CFH: variants seen among roughly 807,000 people sequenced by gnomAD.
CFH encodes complement factor H.
CFH carries 53 observed loss-of-function variants against 147.3 expected under a neutral mutation model. The observed-to-expected ratio is 0.36, with a 90% CI of 0.29 to 0.45. The LOEUF is 0.45. Ranked by LOEUF, CFH falls within the 20% of genes least tolerant of loss-of-function variation. The probability of loss-of-function intolerance (pLI) is 1.00; values close to 1 mark genes in which losing one functional copy is unlikely to be tolerated. For missense variants in CFH, 1,380 were observed against 1,498.0 expected (o/e 0.92, Z 1.30); for synonymous variants, 536 against 489.4 (o/e 1.10, Z -1.26).
At chr1:196,727,049 C>T (rs1374190681) in intron 14 of CFH, 109 bp downstream of exon 14, 2 of 960,424 alleles carry the variant, frequency 2.1e-6, no homozygotes, top group African/African-American at 1.6e-5. Flanking sequence ...TCAACATTTC[C>T]AGTCTTCAAT....
At chr1:196,661,184 T>C (rs1305414662) in intron 1 of CFH, among the ~76,000 whole-genome samples, 1 of 152,208 alleles carries the variant, frequency 6.6e-6, no homozygotes, top group African/African-American at 2.4e-5. Flanking sequence ...GAATCACATA[T>C]TATATGAGTT....
chr1:196,698,196 C>T (rs1053196570), intron 9 of CFH, among the ~76,000 whole-genome samples: 26 of 151,930 alleles, frequency 1.7e-4, no homozygotes, highest in African/African-American at 5.8e-4. Context: ...CAAACAAATT[C>T]AAAAGCTAGC....
chr1:196,660,081 A>G (rs1234235482), intron 1 of CFH, among the ~76,000 whole-genome samples: 1 of 152,156 alleles, frequency 6.6e-6, no homozygotes, highest in South Asian at 2.1e-4. Flanking sequence ...ATGTAGAGAC[A>G]TTAGGTGGGC....
Position 196,665,162 on chromosome 1 carries a change from T to C in CFH, c.59-7816T>C, listed in dbSNP as rs138464437. On this transcript the variant is annotated intron_variant, in intron 1 of 21. Coordinates refer to ENST00000367429, the MANE Select transcript of CFH (RefSeq NM_000186.4). Reference sequence around the variant, plus strand: ...CTAACATTTTTCTTTAGATAGTGTTTAGTGCTTTTGTTACTGCAAGAAGTG... The same window carrying C: ...CTAACATTTTTCTTTAGATAGTGTTCAGTGCTTTTGTTACTGCAAGAAGTG... Among the ~76,000 whole-genome samples, 401 of 151,768 alleles carry C rather than the reference T, an allele frequency of 2.6e-3. 2 individuals are homozygous for C. Among genetic ancestry groups the C allele is most frequent in the East Asian group, 0.014 (71 of 5,174 alleles).
intron 9 of CFH, among the ~76,000 whole-genome samples, chr1:196,703,310 AG>A (rs1385859510): frequency 2.6e-5 from 4 of 152,184 alleles, no homozygotes; most frequent in Non-Finnish European, 5.9e-5. Flanking sequence ...TTACTGCAAC[AG>A]GGGGGACACT....
intron 9 of CFH, among the ~76,000 whole-genome samples, chr1:196,697,562 T>G (rs1668315279): frequency 1.3e-5 from 2 of 152,214 alleles, no homozygotes; most frequent in East Asian, 1.9e-4. Flanking sequence ...TTGGTGGAAC[T>G]GTAAACTAGT....
intron 1 of CFH, among the ~76,000 whole-genome samples, chr1:196,669,418 G>T (rs1227222902): frequency 6.6e-6 from 1 of 152,202 alleles, no homozygotes; most frequent in African/African-American, 2.4e-5. Context: ...CCCATCACAG[G>T]CCTGGTTGCC....
intron 1 of CFH, among the ~76,000 whole-genome samples, chr1:196,661,557 C>T (rs1666906059): frequency 6.6e-6 from 1 of 152,186 alleles, no homozygotes; most frequent in Non-Finnish European, 1.5e-5. Context: ...AGGGACAAGG[C>T]AGCTCTGTGG....
At chr1:196,735,313 A>G (rs2064456) in intron 15 of CFH, among the ~76,000 whole-genome samples, 34,468 of 152,026 alleles carry the variant, frequency 0.23, 4,493 homozygotes, top group African/African-American at 0.33. Flanking sequence ...GAAAATTTCA[A>G]TATTTTGAAA....
rs1273169939 is a variant in CFH at position 196,679,800 on chromosome 1, T to C, written c.790+7T>C. On this transcript the variant is annotated splice_region_variant and intron_variant, in intron 6 of 21. Transcript: ENST00000367429. ...CCGTTGCCTTCATGTGAAGGTAATGTTACCTTTATTTTCTGGATCTTTATA... is the reference window on the plus strand; with the variant it reads ...CCGTTGCCTTCATGTGAAGGTAATGCTACCTTTATTTTCTGGATCTTTATA... 1 of 1,606,410 alleles carries C rather than the reference T, an allele frequency of 6.2e-7. No homozygotes were observed. The highest frequency in any genetic ancestry group is 8.5e-7 in the Non-Finnish European group (1 of 1,175,030).
At chr1:196,677,741 A>G in intron 5 of CFH, 74 bp downstream of exon 5, 1 of 1,362,802 alleles carries the variant, frequency 7.3e-7, no homozygotes, top group Non-Finnish European at 1.0e-6. Flanking sequence ...CGTTCATTCT[A>G]AGGAATATCA....
chr1:196,726,443 A>G (rs768171435), intron 12 of CFH, 27 bp from the exon 13 acceptor site: 2 of 1,535,996 alleles, frequency 1.3e-6, no homozygotes, highest in Admixed American at 1.7e-5. Context: ...CAATTTAACC[A>G]TTATTTACAT....
In CFH at chr1:196,725,124, G is replaced by C. The variant is rs1279487276; in HGVS notation, c.1700G>C (p.Arg567Thr). Reference sequence around the variant, plus strand: ...AAATTATTTTACCTTTTTCAAGAAAGAGAATGCGAACTTCCTAAAATAGAT... The same window carrying C: ...AAATTATTTTACCTTTTTCAAGAAACAGAATGCGAACTTCCTAAAATAGAT... The part of the protein sequence containing the change: ...GWSDLPICYE[R>T]ECELPKIDVH... The change falls in exon 12 of 22, where the codon AGA becomes ACA. Residue 567 changes from arginine (R) to threonine (T), a missense_variant. Transcript: ENST00000367429. The C allele has an allele frequency of 3.1e-6, 5 of 1,612,130 alleles. No homozygotes were observed. Among genetic ancestry groups the C allele is most frequent in the Non-Finnish European group, 4.2e-6 (5 of 1,178,756 alleles).
chr1:196,673,278 T>G, intron 2 of CFH, 115 bp downstream of exon 2: 1 of 1,001,310 alleles, frequency 1.0e-6, no homozygotes, highest in South Asian at 1.4e-5. Context: ...AAATACAAAA[T>G]AATACATAAT....
chr1:196,721,976 G>T (rs774392682), intron 11 of CFH, among the ~76,000 whole-genome samples: 2 of 151,836 alleles, frequency 1.3e-5, no homozygotes, highest in Non-Finnish European at 2.9e-5. Flanking sequence ...CATGTGGTTG[G>T]TTTCTGTTTT....
In CFH at chr1:196,699,775, CT is replaced by C. The variant is rs768732779; in HGVS notation, c.1336+9542del. Among the ~76,000 whole-genome samples, 10 of 152,078 alleles carry C rather than the reference CT, an allele frequency of 6.6e-5. No homozygotes were observed. The East Asian group carries it at 9.7e-4, about 15-fold the overall frequency. On this transcript the variant is annotated intron_variant, in intron 9 of 21. Coordinates refer to ENST00000367429, the MANE Select transcript of CFH (RefSeq NM_000186.4). Reference sequence around the variant, plus strand: ...TTTCTTTATTGAATTGCCTTTGCTCCTTTTTTAAATTGAAAACATCCTCAAA... The same window carrying C: ...TTTCTTTATTGAATTGCCTTTGCTCCTTTTTAAATTGAAAACATCCTCAAA...
intron 21 of CFH, 131 bp from the exon 22 acceptor site, chr1:196,746,980 C>T (rs1490148380): frequency 1.4e-6 from 2 of 1,462,330 alleles, no homozygotes; most frequent in Non-Finnish European, 1.9e-6. Flanking sequence ...GATGTTTCTA[C>T]ATAGTTGGTT....
intron 1 of CFH, among the ~76,000 whole-genome samples, chr1:196,653,249 T>G (rs1666565858): frequency 6.6e-6 from 1 of 151,814 alleles, no homozygotes; most frequent in Non-Finnish European, 1.5e-5. Flanking sequence ...TTCAGTTATA[T>G]TTTCTAATGT....
chr1:196,729,770 A>G (rs1573069625), intron 15 of CFH, among the ~76,000 whole-genome samples: 1 of 151,972 alleles, frequency 6.6e-6, no homozygotes, highest in Non-Finnish European at 1.5e-5. Context: ...CTGTTGCCTC[A>G]TGATTACTCT....
Sources: allele counts gnomAD v4.1 joint callset (sites outside exome capture counted in the v4.1 genomes callset), GRCh38; gene constraint gnomAD v4.1.1; transcripts MANE v1.5; gene names NCBI Gene and HGNC (gene_info 2026-07-23, HGNC 2026-07-21).